The following CORIN variants were observed in gnomAD, a reference collection of about 807,000 sequenced individuals.
The protein encoded by CORIN is corin, serine peptidase.
In CORIN, 117 loss-of-function variants were observed where a neutral mutation model predicts 125.3. That is an observed-to-expected ratio of 0.93 (90% CI 0.80 to 1.09). CORIN has a LOEUF of 1.09. CORIN is among the 50% of genes least tolerant of loss of function. The pLI, the probability that CORIN is intolerant of heterozygous loss-of-function variation, is 0.00. For synonymous variants in CORIN, 450 were observed against 466.4 expected (o/e 0.96, Z 0.45); for missense variants, 1,253 against 1,306.7 (o/e 0.96, Z 0.63).
intron 4 of CORIN, among the ~76,000 whole-genome samples, chr4:47,754,355 T>G (rs1729041127): frequency 6.6e-6 from 1 of 152,188 alleles, no homozygotes. Context: ...AGAACTCATG[T>G]GGCTGACTGC....
At chr4:47,712,586 A>G (rs1726901221) in intron 5 of CORIN, among the ~76,000 whole-genome samples, 1 of 152,180 alleles carries the variant, frequency 6.6e-6, no homozygotes, top group Non-Finnish European at 1.5e-5. Context: ...CCCGGCTGAC[A>G]TCATTTATTT....
At chr4:47,627,560 G>A (rs188604879) in intron 16 of CORIN, among the ~76,000 whole-genome samples, 73 of 152,188 alleles carry the variant, frequency 4.8e-4, no homozygotes, top group African/African-American at 1.6e-3. Context: ...TTAGATTACC[G>A]AAGATATCAA....
chr4:47,711,844 T>C (rs867367299), intron 5 of CORIN, among the ~76,000 whole-genome samples: 2 of 152,158 alleles, frequency 1.3e-5, no homozygotes, highest in Non-Finnish European at 2.9e-5. Flanking sequence ...GTTCTTCACA[T>C]CACAATGAGA....
At chr4:47,779,291 C>T (rs184042194) in intron 3 of CORIN, among the ~76,000 whole-genome samples, 5 of 152,194 alleles carry the variant, frequency 3.3e-5, no homozygotes, top group African/African-American at 4.8e-5. Context: ...ACATCCTTAA[C>T]GGGTAAGAGA....
intron 1 of CORIN, among the ~76,000 whole-genome samples, chr4:47,810,074 T>C (rs16860656): frequency 0.017 from 2,553 of 152,292 alleles, 89 homozygotes; most frequent in African/African-American, 0.058. Flanking sequence ...TAGGGAACGA[T>C]GCATCTGATT....
At chr4:47,614,428 A>T (rs550787460) in intron 19 of CORIN, among the ~76,000 whole-genome samples, 1 of 152,222 alleles carries the variant, frequency 6.6e-6, no homozygotes, top group South Asian at 2.1e-4. Flanking sequence ...CGAACTCCTG[A>T]CCTCAGGTGA....
intron 3 of CORIN, among the ~76,000 whole-genome samples, chr4:47,777,380 C>T (rs1730345950): frequency 6.6e-6 from 1 of 152,168 alleles, no homozygotes; most frequent in Non-Finnish European, 1.5e-5. Context: ...CGTCTGTAAT[C>T]CCAGCACTTT....
At chr4:47,757,057 T>A (rs764197100) in intron 4 of CORIN, among the ~76,000 whole-genome samples, 1 of 152,170 alleles carries the variant, frequency 6.6e-6, no homozygotes, top group Non-Finnish European at 1.5e-5. Context: ...GTAGGTATTG[T>A]CTCTAGGATG....
intron 19 of CORIN, among the ~76,000 whole-genome samples, chr4:47,621,288 T>C (rs1722298623): frequency 6.6e-6 from 1 of 152,130 alleles, no homozygotes; most frequent in Admixed American, 6.5e-5. Context: ...TTGGGAAGCT[T>C]GCTTTGGAGG....
chr4:47,691,192 C>T (rs1725752582), intron 6 of CORIN, among the ~76,000 whole-genome samples: 1 of 152,134 alleles, frequency 6.6e-6, no homozygotes, highest in South Asian at 2.1e-4. Context: ...TGATAAAAAC[C>T]ATAGTTGGCC....
intron 6 of CORIN, among the ~76,000 whole-genome samples, chr4:47,686,070 T>A (rs1427316650): frequency 6.7e-6 from 1 of 149,104 alleles, no homozygotes; most frequent in East Asian, 2.0e-4. Flanking sequence ...TGACGATTCG[T>A]TATCCAAAGC....
chr4:47,603,435 T>C lies in CORIN; in HGVS notation c.2774A>G (p.Tyr925Cys). Residue 925 changes from tyrosine (Y) to cysteine (C), a missense_variant, in exon 20 of 22, where the codon TAC becomes TGC. By Grantham distance (194) the Tyr-to-Cys change is radical. Transcript: ENST00000273857. ...GTGGCCCCAGCCTGTGATATAGCAG[T>C]ACGTGTCAGGCTCTAGCCACTGCTC... ...NPEQWLEPDT[Y>C]CYITGWGHMG... 2.5e-6 allele frequency: 4 copies of C among 1,614,220 alleles called. No individual in the cohort carries two copies. Among genetic ancestry groups the C allele is most frequent in the Non-Finnish European group, 3.4e-6 (4 of 1,180,036 alleles).
At position 47,600,717 on chromosome 4, in the gene CORIN, C is replaced by T. The variant is rs565563646; in HGVS notation, c.2813-370G>A. Among the ~76,000 whole-genome samples the T allele has an allele frequency of 1.8e-4, 27 of 152,208 alleles. 1 individual carries two copies. The South Asian group carries it at 2.7e-3, about 15-fold the overall frequency. ...GCTGCCAGATAGGAGGCTGCCAGCT[C>T]GGCGTCAACTCAGCATGATAGTCCT... is the stretch of plus-strand genomic sequence containing the variant. On this transcript the variant is annotated intron_variant, in intron 20 of 21. Coordinates refer to ENST00000273857, the MANE Select transcript of CORIN (RefSeq NM_006587.4).
chr4:47,607,291 C>G (rs1044518022), intron 19 of CORIN, among the ~76,000 whole-genome samples: 3 of 151,884 alleles, frequency 2.0e-5, no homozygotes, highest in African/African-American at 4.8e-5. Context: ...GCCTGTAGTC[C>G]CAGCTATTTG....
At chr4:47,782,221 C>T (rs1388835469) in intron 3 of CORIN, among the ~76,000 whole-genome samples, 1 of 150,224 alleles carries the variant, frequency 6.7e-6, no homozygotes, top group Non-Finnish European at 1.5e-5. Flanking sequence ...CCTGTCTCTA[C>T]TAAAAATACA....
intron 1 of CORIN, chr4:47,831,298 A>C (rs1440146151): frequency 6.6e-6 from 1 of 152,360 alleles, no homozygotes; most frequent in African/African-American, 2.4e-5. Flanking sequence ...GCCAGCAGGC[A>C]GAAGGGAAGG....
chr4:47,606,628 C>T lies in CORIN; in HGVS notation c.2541-2960G>A, dbSNP rs568843732. ...TTTCTTATCCTTCCTTCCTTCCTAC[C>T]TTCTTTCCCTCCTTCCTTTCTTCCC... On this transcript the variant is annotated intron_variant, in intron 19 of 21. Coordinates refer to ENST00000273857, the MANE Select transcript of CORIN (RefSeq NM_006587.4). Among the ~76,000 whole-genome samples, 37 of 151,586 alleles carry T rather than the reference C, an allele frequency of 2.4e-4. No individual in the cohort carries two copies. In the South Asian group the frequency reaches 7.1e-3, roughly 29 times the overall value.
chr4:47,680,114 C>T (rs1029007452), intron 8 of CORIN, 27 bp downstream of exon 8: 2 of 1,505,986 alleles, frequency 1.3e-6, no homozygotes, highest in Non-Finnish European at 1.8e-6. Context: ...GAAAAATAAG[C>T]AAAACAAACG....
chr4:47,815,960 T>C (rs1273196490), intron 1 of CORIN, among the ~76,000 whole-genome samples: 1 of 152,174 alleles, frequency 6.6e-6, no homozygotes, highest in Admixed American at 6.5e-5. Context: ...CTTAGAAACT[T>C]AATTGACTCA....
Sources: allele counts gnomAD v4.1 joint callset (sites outside exome capture counted in the v4.1 genomes callset), GRCh38; gene constraint gnomAD v4.1.1; transcripts MANE v1.5; gene names NCBI Gene and HGNC (gene_info 2026-07-23, HGNC 2026-07-21).